The following CSMD2 variants were observed in gnomAD, a reference collection of about 807,000 sequenced individuals.
The protein encoded by CSMD2 is CUB and sushi domain-containing protein 2.
Under a neutral mutation model 398.5 loss-of-function variants are expected in CSMD2, and 130 were observed. That is an observed-to-expected ratio of 0.33 (90% CI 0.28 to 0.38). CSMD2 has a LOEUF of 0.38. Among genes scored for constraint, CSMD2 ranks in the 10% least tolerant of loss-of-function variants. The pLI is 1.00. For missense variants in CSMD2, 3,829 were observed against 4,764.9 expected (o/e 0.80, Z 5.78); for synonymous variants, 1,828 against 1,908.5 (o/e 0.96, Z 1.10).
intron 25 of CSMD2, among the ~76,000 whole-genome samples, chr1:33,686,753 C>A (rs755771939): frequency 6.6e-6 from 1 of 152,192 alleles, no homozygotes; most frequent in Non-Finnish European, 1.5e-5. Context: ...CCTGTCTGTG[C>A]CCCTGGAAAT....
chr1:33,766,381 G>A (rs1650499957), intron 13 of CSMD2, among the ~76,000 whole-genome samples: 1 of 152,234 alleles, frequency 6.6e-6, no homozygotes, highest in Non-Finnish European at 1.5e-5. Flanking sequence ...ATGAGAAGAG[G>A]GGCTGTTGCT....
chr1:33,905,631 T>C (rs1173587735), intron 5 of CSMD2, among the ~76,000 whole-genome samples: 2 of 152,186 alleles, frequency 1.3e-5, no homozygotes, highest in African/African-American at 4.8e-5. Context: ...TGATGGGTGC[T>C]GTTTTTATTT....
chr1:33,804,679 G>A, intron 10 of CSMD2: 1 of 716,566 alleles, frequency 1.4e-6, no homozygotes. Flanking sequence ...TAGAGACTAT[G>A]CTTTTTGCTG....
chr1:33,869,799 T>C (rs1558031689), intron 5 of CSMD2, among the ~76,000 whole-genome samples: 1 of 152,070 alleles, frequency 6.6e-6, no homozygotes, highest in Non-Finnish European at 1.5e-5. Flanking sequence ...CCTTTCTCTC[T>C]CTCCCCATCG....
chr1:33,786,148 G>C (rs1653508875), intron 12 of CSMD2, among the ~76,000 whole-genome samples: 2 of 152,114 alleles, frequency 1.3e-5, no homozygotes, highest in Admixed American at 6.5e-5. Flanking sequence ...TACTAATTTA[G>C]TCAATGGCTC....
chr1:33,989,051 T>C (rs1264483001), intron 3 of CSMD2, among the ~76,000 whole-genome samples: 2 of 58,872 alleles, frequency 3.4e-5, no homozygotes, highest in Non-Finnish European at 4.3e-5. Context: ...TATATATATA[T>C]ATATATATAT....
intron 2 of CSMD2, among the ~76,000 whole-genome samples, chr1:34,037,042 C>T (rs1029815469): frequency 4.6e-5 from 7 of 152,174 alleles, no homozygotes; most frequent in African/African-American, 7.2e-5. Context: ...CAGAGATCTA[C>T]CTGCCTTGTG....
At chr1:33,909,014 C>G (rs1196919157) in intron 5 of CSMD2, among the ~76,000 whole-genome samples, 3 of 152,198 alleles carry the variant, frequency 2.0e-5, no homozygotes, top group African/African-American at 7.2e-5. Context: ...GCGTCACAAG[C>G]CCACAGGAAG....
chr1:33,832,253 T>C (rs944474363), intron 6 of CSMD2, among the ~76,000 whole-genome samples: 3 of 151,978 alleles, frequency 2.0e-5, no homozygotes, highest in Non-Finnish European at 2.9e-5. Flanking sequence ...ATTGACCACA[T>C]AGTTGGAAGT....
At chr1:33,840,476 C>T (rs568230527) in intron 6 of CSMD2, among the ~76,000 whole-genome samples, 40 of 152,156 alleles carry the variant, frequency 2.6e-4, no homozygotes, top group African/African-American at 8.4e-4. Context: ...GAAACCCCAA[C>T]GCACTGCAAA....
intron 1 of CSMD2, among the ~76,000 whole-genome samples, chr1:34,162,662 C>A (rs908913548): frequency 1.3e-5 from 2 of 152,100 alleles, no homozygotes; most frequent in Non-Finnish European, 2.9e-5. Context: ...AGCTCGAGAC[C>A]AGCCTGGCCA....
chr1:33,701,191 C>T (rs1245108070), intron 22 of CSMD2, among the ~76,000 whole-genome samples: 1 of 152,192 alleles, frequency 6.6e-6, no homozygotes, highest in African/African-American at 2.4e-5. Flanking sequence ...GGACATCATC[C>T]CTGGGATCCA....
At chr1:34,115,430 A>C (rs1464189684) in intron 1 of CSMD2, among the ~76,000 whole-genome samples, 1 of 152,152 alleles carries the variant, frequency 6.6e-6, no homozygotes, top group Non-Finnish European at 1.5e-5. Flanking sequence ...CCAGAGGCCA[A>C]AGAGGTGATA....
intron 2 of CSMD2, among the ~76,000 whole-genome samples, chr1:34,082,912 C>T (rs1341496734): frequency 6.6e-6 from 1 of 151,962 alleles, no homozygotes; most frequent in Non-Finnish European, 1.5e-5. Context: ...ATCTCAAGTA[C>T]CCAGGGACAC....
At chr1:33,941,296 CTTTTAT>C (rs1644664418) in intron 3 of CSMD2, among the ~76,000 whole-genome samples, 3 of 152,206 alleles carry the variant, frequency 2.0e-5, no homozygotes, top group Admixed American at 6.5e-5. Flanking sequence ...ATCATGCCTT[CTTTTAT>C]TTTTAATTTG....
intron 3 of CSMD2, among the ~76,000 whole-genome samples, chr1:33,978,919 T>C (rs1341699242): frequency 6.6e-6 from 1 of 152,190 alleles, no homozygotes; most frequent in Non-Finnish European, 1.5e-5. Context: ...TTGCCATCTC[T>C]ATTTTACAGA....
intron 6 of CSMD2, among the ~76,000 whole-genome samples, chr1:33,829,327 C>A (rs1659198404): frequency 6.6e-6 from 1 of 152,154 alleles, no homozygotes; most frequent in African/African-American, 2.4e-5. Flanking sequence ...ATCCACATCA[C>A]CAGGAACATT....
intron 4 of CSMD2, among the ~76,000 whole-genome samples, chr1:33,923,090 A>G (rs1644003892): frequency 6.6e-6 from 1 of 152,166 alleles, no homozygotes; most frequent in African/African-American, 2.4e-5. Context: ...CCCTTAAAAA[A>G]TTTATTGTTA....
rs905471131 is a variant in CSMD2, at chr1:33,981,807, G to C, written c.518-45853C>G. Reference sequence around the variant, plus strand: ...CCCCTGGGACAATGAGTCTGGAGCTGAGAGCTGAGGAATGGGCACAGTGAG... The same window carrying C: ...CCCCTGGGACAATGAGTCTGGAGCTCAGAGCTGAGGAATGGGCACAGTGAG... On this transcript the variant is annotated intron_variant, in intron 3 of 70. Transcript: ENST00000373381. 1.4e-4 allele frequency among the ~76,000 whole-genome samples: 21 copies of C among 152,212 alleles called. 1 individual carries two copies.
Sources: allele counts gnomAD v4.1 joint callset (sites outside exome capture counted in the v4.1 genomes callset), GRCh38; gene constraint gnomAD v4.1.1; transcripts MANE v1.5; gene names NCBI Gene and HGNC (gene_info 2026-07-23, HGNC 2026-07-21).